SH3KBP1: variants seen among roughly 807,000 people sequenced by gnomAD.
SH3KBP1 encodes SH3 domain-containing kinase-binding protein 1.
Under a neutral mutation model 50.1 loss-of-function variants are expected in SH3KBP1, and 8 were observed. That is an observed-to-expected ratio of 0.16 (90% CI 0.09 to 0.29). The LOEUF (loss-of-function observed/expected upper bound fraction) is 0.29. Among genes scored for constraint, SH3KBP1 ranks in the 10% least tolerant of loss-of-function variants. SH3KBP1 has a pLI of 1.00. For missense variants in SH3KBP1, 377 were observed against 535.2 expected (o/e 0.70, Z 2.92); for synonymous variants, 227 against 218.6 (o/e 1.04, Z -0.34).
At chrX:19,546,298 C>T (rs2065082977) in intron 14 of SH3KBP1, among the ~76,000 whole-genome samples, 1 of 112,090 alleles carries the variant, frequency 8.9e-6, no homozygotes, top group African/African-American at 3.2e-5. Flanking sequence ...CCATCAATCA[C>T]TTCATCCTTG....
intron 6 of SH3KBP1, among the ~76,000 whole-genome samples, chrX:19,660,563 A>G (rs914245668): frequency 1.8e-5 from 2 of 111,897 alleles, no homozygotes; most frequent in African/African-American, 6.5e-5. Context: ...AAGAGCTTTC[A>G]GGTCAAGAAG....
chrX:19,836,570 T>C (rs2068063271), intron 1 of SH3KBP1, among the ~76,000 whole-genome samples: 1 of 111,356 alleles, frequency 9.0e-6, no homozygotes, highest in Non-Finnish European at 1.9e-5. Flanking sequence ...ATAACAACAT[T>C]TGCCCCACCC....
chrX:19,652,376 T>C (rs181850665), intron 6 of SH3KBP1, among the ~76,000 whole-genome samples: 27 of 111,454 alleles, frequency 2.4e-4, no homozygotes, highest in African/African-American at 8.5e-4. Flanking sequence ...GACTTCCAAA[T>C]ACTCCTCATA....
intron 2 of SH3KBP1, among the ~76,000 whole-genome samples, chrX:19,821,396 C>G (rs929813749): frequency 1.8e-5 from 2 of 111,836 alleles, no homozygotes; most frequent in African/African-American, 6.5e-5. Context: ...GTCTCAACAA[C>G]AACAACAGAA....
chrX:19,588,412 C>G (rs777242352), intron 12 of SH3KBP1: 1 of 1,126,269 alleles, frequency 8.9e-7, no homozygotes, highest in East Asian at 3.4e-5. Context: ...ACCCAGTCCT[C>G]ATGAAACCCA....
intron 2 of SH3KBP1, among the ~76,000 whole-genome samples, chrX:19,772,315 T>C (rs936712980): frequency 9.0e-5 from 10 of 110,927 alleles, no homozygotes; most frequent in Middle Eastern, 4.2e-3. Context: ...AGCTGAAGAG[T>C]AATCTTTCAG....
At chrX:19,855,284 G>A (rs1179595958) in intron 1 of SH3KBP1, among the ~76,000 whole-genome samples, 1 of 111,754 alleles carries the variant, frequency 8.9e-6, no homozygotes, top group Admixed American at 9.5e-5. Flanking sequence ...ATGCCCCGCC[G>A]GTAAGCTTTT....
At chrX:19,716,865 T>C (rs761259288) in intron 3 of SH3KBP1, among the ~76,000 whole-genome samples, 2 of 111,272 alleles carry the variant, frequency 1.8e-5, no homozygotes, top group Non-Finnish European at 1.9e-5. Flanking sequence ...CGCAAGATGA[T>C]ACCAGGAAGG....
At chrX:19,675,587 G>A (rs966494408) in intron 6 of SH3KBP1, among the ~76,000 whole-genome samples, 3 of 110,437 alleles carry the variant, frequency 2.7e-5, no homozygotes, top group Non-Finnish European at 5.7e-5. Context: ...TGAATTTTTA[G>A]TAGAGACTGG....
Position 19,610,878 on chromosome X carries a change from A to G in SH3KBP1, c.898-2833T>C, listed in dbSNP as rs747534111. On this transcript the variant is annotated intron_variant, in intron 8 of 17. Coordinates refer to ENST00000397821, the MANE Select transcript of SH3KBP1 (RefSeq NM_031892.3). ...AACTATGCCCACAAAAGGCATTCAA[A>G]AAAAAACTATCTTTTTTTGCAGGGA... is the stretch of plus-strand genomic sequence containing the variant. 1.7e-3 allele frequency among the ~76,000 whole-genome samples: 190 copies of G among 112,033 alleles called. 1 individual carries two copies. Among genetic ancestry groups the G allele is most frequent in the African/African-American group, 5.9e-3 (182 of 30,801 alleles).
intron 3 of SH3KBP1, among the ~76,000 whole-genome samples, chrX:19,744,401 T>C (rs898886781): frequency 1.8e-5 from 2 of 112,186 alleles, no homozygotes; most frequent in African/African-American, 3.2e-5. Flanking sequence ...GGTAGCAGAA[T>C]ACTGGTAGTC....
At chrX:19,723,366 T>G (rs1183355475) in intron 3 of SH3KBP1, among the ~76,000 whole-genome samples, 2 of 111,764 alleles carry the variant, frequency 1.8e-5, no homozygotes, top group Admixed American at 1.9e-4. Context: ...CCACACAAAC[T>G]AGCAAAGAGA....
intron 2 of SH3KBP1, among the ~76,000 whole-genome samples, chrX:19,812,818 T>G (rs1192529086): frequency 9.1e-6 from 1 of 110,162 alleles, no homozygotes. Context: ...CTACAAACAA[T>G]ACAAAAATTA....
chrX:19,757,562 CAA>C (rs35710169), intron 2 of SH3KBP1, among the ~76,000 whole-genome samples: 16,065 of 78,277 alleles, frequency 0.21, 1,237 homozygotes, highest in African/African-American at 0.27. Context: ...TATCTTATGT[CAA>C]AAAAAAAAAA....
At chrX:19,760,023 CCTCTCTCTCTCTCTCTCCCTCTCTCT>C (rs796142444) in intron 2 of SH3KBP1, among the ~76,000 whole-genome samples, 10,222 of 83,343 alleles carry the variant, frequency 0.12, 532 homozygotes, top group Non-Finnish European at 0.14. Context: ...CTCTCTCTCT[CCTCTCTCTCTCTCTCTCCCTCTCTCT>C]CTCTCTCTCT....
intron 3 of SH3KBP1, among the ~76,000 whole-genome samples, chrX:19,744,154 C>T (rs778512246): frequency 8.0e-5 from 9 of 112,453 alleles, no homozygotes; most frequent in Non-Finnish European, 1.7e-4. Context: ...GGAAGGAGGC[C>T]CCTTCAGTCA....
chrX:19,709,145 C>CT (rs2063720545), intron 3 of SH3KBP1, among the ~76,000 whole-genome samples: 1 of 112,076 alleles, frequency 8.9e-6, no homozygotes, highest in African/African-American at 3.2e-5. Flanking sequence ...AAAGGCCTGC[C>CT]TGGTGTCAGA....
chrX:19,602,215 C>G (rs2067113384), intron 9 of SH3KBP1, among the ~76,000 whole-genome samples: 1 of 110,959 alleles, frequency 9.0e-6, no homozygotes, highest in Non-Finnish European at 1.9e-5. Flanking sequence ...ACTCTTCCTC[C>G]TCTTTTGTAC....
chrX:19,866,196 T>C (rs1448434359), intron 1 of SH3KBP1, among the ~76,000 whole-genome samples: 1 of 111,301 alleles, frequency 9.0e-6, no homozygotes, highest in Admixed American at 9.5e-5. Flanking sequence ...ATGTGCCTCT[T>C]TACTCACCCA....
Sources: gnomAD v4.1 joint callset for allele counts (sites outside exome capture counted in the v4.1 genomes callset) on GRCh38, gnomAD v4.1.1 for gene constraint, MANE v1.5 for transcripts, NCBI Gene and HGNC (gene_info 2026-07-23, HGNC 2026-07-21) for gene names.